The following SPATA17 variants were observed in gnomAD, a reference collection of about 807,000 sequenced individuals.
SPATA17 encodes spermatogenesis-associated protein 17.
In SPATA17, 53 loss-of-function variants were observed where a neutral mutation model predicts 62.2. The observed-to-expected ratio is 0.85, with a 90% CI of 0.68 to 1.07. The LOEUF (loss-of-function observed/expected upper bound fraction) is 1.07, where lower values mean the gene tolerates loss of function less well. Among genes scored for constraint, SPATA17 ranks in the 50% least tolerant of loss-of-function variants. The pLI is 0.00. For missense variants in SPATA17, 466 were observed against 425.5 expected, an observed-to-expected ratio of 1.10 and a Z score of -0.84; for synonymous variants, 146 against 146.8, an observed-to-expected ratio of 0.99 and a Z score of 0.04.
chr1:217,731,695 C>T (rs1672405007), intron 5 of SPATA17, among the ~76,000 whole-genome samples: 1 of 152,050 alleles, frequency 6.6e-6, no homozygotes, highest in Non-Finnish European at 1.5e-5. Context: ...ACTGGGATTA[C>T]ATTTTAGAGT....
chr1:217,811,706 A>AAG (rs1674594477), intron 9 of SPATA17, among the ~76,000 whole-genome samples: 1 of 151,886 alleles, frequency 6.6e-6, no homozygotes, highest in Non-Finnish European at 1.5e-5. Context: ...AAAAAAAAAA[A>AAG]AAAACTATGT....
chr1:217,831,078 A>G (rs1476557102), intron 9 of SPATA17, among the ~76,000 whole-genome samples: 4 of 152,160 alleles, frequency 2.6e-5, no homozygotes, highest in Non-Finnish European at 4.4e-5. Flanking sequence ...ATTTAATAAA[A>G]TTGGCTTTTC....
intron 1 of SPATA17, among the ~76,000 whole-genome samples, chr1:217,638,679 A>C (rs1669992370): frequency 6.6e-6 from 1 of 152,196 alleles, no homozygotes; most frequent in South Asian, 2.1e-4. Flanking sequence ...TTAAGCTAAG[A>C]AACCAGAACA....
intron 5 of SPATA17, among the ~76,000 whole-genome samples, chr1:217,732,604 G>T (rs1672425639): frequency 6.6e-6 from 1 of 152,154 alleles, no homozygotes; most frequent in Non-Finnish European, 1.5e-5. Flanking sequence ...GCAATGGAGA[G>T]AATATGATAT....
intron 5 of SPATA17, among the ~76,000 whole-genome samples, chr1:217,726,685 C>A (rs923170827): frequency 6.7e-6 from 1 of 149,698 alleles, no homozygotes; most frequent in Non-Finnish European, 1.5e-5. Flanking sequence ...TGTTTTCATG[C>A]GTATTTCCCT....
intron 3 of SPATA17, among the ~76,000 whole-genome samples, chr1:217,664,430 C>T (rs1208225325): frequency 6.6e-6 from 1 of 151,308 alleles, no homozygotes. Context: ...GCTGGGATTA[C>T]AGGTGCTCAC....
intron 5 of SPATA17, among the ~76,000 whole-genome samples, chr1:217,696,167 C>T (rs1183614832): frequency 3.3e-5 from 5 of 152,204 alleles, no homozygotes; most frequent in African/African-American, 7.2e-5. Flanking sequence ...TAGGACCCTC[C>T]GAGCCAGGTG....
Position 217,789,992 on chromosome 1 carries a change from G to A in SPATA17, c.872+7670G>A, listed in dbSNP as rs147894453. 3.5e-3 allele frequency among the ~76,000 whole-genome samples: 530 copies of A among 151,904 alleles called. 2 individuals carry two copies. Among genetic ancestry groups the A allele is most frequent in the African/African-American group, 0.012 (499 of 41,514 alleles). On this transcript the variant is annotated intron_variant, in intron 8 of 10. Coordinates refer to ENST00000366933, the MANE Select transcript of SPATA17 (RefSeq NM_138796.4). ...GCGGAGGTGGCAGTGAGCCCAGATC[G>A]CACCACTGCAACTCCAGCCTGGGTG... is the stretch of plus-strand genomic sequence containing the variant.
At chr1:217,721,496 A>G (rs558940050) in intron 5 of SPATA17, among the ~76,000 whole-genome samples, 10 of 152,242 alleles carry the variant, frequency 6.6e-5, no homozygotes, top group Admixed American at 2.0e-4. Flanking sequence ...TCCTTAGCTC[A>G]CTAGGCCCTG....
intron 9 of SPATA17, among the ~76,000 whole-genome samples, chr1:217,811,969 G>C (rs1317031170): frequency 1.3e-5 from 2 of 152,088 alleles, no homozygotes; most frequent in Admixed American, 6.6e-5. Context: ...AGGGAGACTA[G>C]AGACGTCACG....
intron 1 of SPATA17, among the ~76,000 whole-genome samples, chr1:217,636,123 C>A (rs1226364673): frequency 1.0e-5 from 1 of 97,862 alleles, no homozygotes; most frequent in Non-Finnish European, 2.0e-5. Flanking sequence ...CAGAATGAGA[C>A]TCCGTCTCAA....
intron 3 of SPATA17, among the ~76,000 whole-genome samples, chr1:217,658,382 A>G (rs906991614): frequency 1.3e-5 from 2 of 152,152 alleles, no homozygotes; most frequent in Non-Finnish European, 2.9e-5. Flanking sequence ...CATGAGTAAA[A>G]GCTTCCTGAG....
At chr1:217,715,019 G>A (rs1671970592) in intron 5 of SPATA17, among the ~76,000 whole-genome samples, 1 of 152,024 alleles carries the variant, frequency 6.6e-6, no homozygotes, top group Non-Finnish European at 1.5e-5. Context: ...AAAGTATGTT[G>A]AATCCCTTAA....
intron 5 of SPATA17, among the ~76,000 whole-genome samples, chr1:217,726,470 C>G (rs1443082689): frequency 2.0e-5 from 3 of 152,186 alleles, no homozygotes; most frequent in African/African-American, 7.2e-5. Flanking sequence ...ATCCCCAAGT[C>G]TTTATAAACC....
intron 9 of SPATA17, among the ~76,000 whole-genome samples, chr1:217,816,113 A>G (rs998448491): frequency 3.3e-5 from 5 of 152,046 alleles, no homozygotes; most frequent in African/African-American, 1.2e-4. Flanking sequence ...ATTCAACTGA[A>G]ATTTTATTTG....
intron 7 of SPATA17, among the ~76,000 whole-genome samples, chr1:217,774,919 G>A (rs889270605): frequency 1.3e-5 from 2 of 152,078 alleles, no homozygotes; most frequent in Non-Finnish European, 2.9e-5. Context: ...TTTGAGTTGC[G>A]ACCACACTTT....
intron 4 of SPATA17, among the ~76,000 whole-genome samples, chr1:217,674,346 A>G (rs1374883449): frequency 6.6e-6 from 1 of 152,168 alleles, no homozygotes; most frequent in Admixed American, 6.5e-5. Flanking sequence ...TTCTAGATCA[A>G]TGCTCTTTTG....
At chr1:217,638,671 A>C (rs1248824053) in intron 1 of SPATA17, among the ~76,000 whole-genome samples, 2 of 152,184 alleles carry the variant, frequency 1.3e-5, no homozygotes, top group Non-Finnish European at 2.9e-5. Flanking sequence ...GAAGGAGATT[A>C]AGCTAAGAAA....
chr1:217,789,058 G>A (rs1673930204), intron 8 of SPATA17, among the ~76,000 whole-genome samples: 1 of 152,100 alleles, frequency 6.6e-6, no homozygotes, highest in South Asian at 2.1e-4. Context: ...ACAGTGACTG[G>A]AGTTTCCCTA....
Sources: gnomAD v4.1 joint callset for allele counts (sites outside exome capture counted in the v4.1 genomes callset) on GRCh38, gnomAD v4.1.1 for gene constraint, MANE v1.5 for transcripts, NCBI Gene and HGNC (gene_info 2026-07-23, HGNC 2026-07-21) for gene names.